The following AFF3 variants were observed in gnomAD, a reference collection of about 807,000 sequenced individuals.
The protein encoded by AFF3 is ALF transcription elongation factor 3.
Under a neutral mutation model 129.7 loss-of-function variants are expected in AFF3, and 32 were observed. That is an observed-to-expected ratio of 0.25 (90% CI 0.19 to 0.33). AFF3 has a LOEUF of 0.33. Ranked by LOEUF, AFF3 falls within the 10% of genes least tolerant of loss-of-function variation. The pLI is 1.00. For synonymous variants in AFF3, 644 were observed against 635.4 expected (o/e 1.01, Z -0.20); for missense variants, 1,373 against 1,592.0 (o/e 0.86, Z 2.34).
At chr2:99,896,739 G>A (rs539523580) in intron 7 of AFF3, among the ~76,000 whole-genome samples, 2 of 137,464 alleles carry the variant, frequency 1.5e-5, no homozygotes, top group South Asian at 2.5e-4. Context: ...AGGTTCAAGC[G>A]ATTCTCCTCC....
In AFF3 at chr2:99,839,276, A is replaced by G. The variant is rs928205403; in HGVS notation, c.874-1752T>C. ...AGGCTCCCACCACCATGCCCAGCTA[A>G]TTTTTGTATTTTTAGTAGAGATGGG... On this transcript the variant is annotated intron_variant, in intron 7 of 24. Transcript: ENST00000672756. Among the ~76,000 whole-genome samples, 28 of 151,978 alleles carry G rather than the reference A, an allele frequency of 1.8e-4. No individual in the cohort carries two copies. The Middle Eastern group carries it at 0.01, about 56-fold the overall frequency.
chr2:99,812,950 T>C (rs942588806), intron 8 of AFF3, among the ~76,000 whole-genome samples: 8 of 152,198 alleles, frequency 5.3e-5, no homozygotes, highest in Non-Finnish European at 1.2e-4. Flanking sequence ...TCATTGCTGA[T>C]TATGTCTTTT....
chr2:99,771,911 T>C (rs1054499856), intron 8 of AFF3, among the ~76,000 whole-genome samples: 6 of 152,200 alleles, frequency 3.9e-5, no homozygotes, highest in Non-Finnish European at 8.8e-5. Flanking sequence ...AAAACAGCGA[T>C]AAGAATAGCT....
intron 8 of AFF3, among the ~76,000 whole-genome samples, chr2:99,820,349 C>T (rs1263415348): frequency 1.3e-5 from 2 of 152,014 alleles, no homozygotes; most frequent in African/African-American, 2.4e-5. Flanking sequence ...CTGAACATAC[C>T]GAAACATAGA....
chr2:99,852,168 T>C (rs768188022), intron 7 of AFF3, among the ~76,000 whole-genome samples: 6 of 152,238 alleles, frequency 3.9e-5, no homozygotes, highest in East Asian at 1.9e-4. Context: ...TTCATGATCA[T>C]GTGCCTTTAA....
intron 13 of AFF3, among the ~76,000 whole-genome samples, chr2:99,631,396 G>T (rs189511170): frequency 3.9e-5 from 6 of 152,268 alleles, no homozygotes; most frequent in Admixed American, 3.3e-4. Context: ...GTTCAGTTCA[G>T]TAGTGTTAAA....
intron 15 of AFF3, among the ~76,000 whole-genome samples, chr2:99,592,575 C>T (rs966112454): frequency 2.6e-5 from 4 of 152,188 alleles, no homozygotes; most frequent in Non-Finnish European, 4.4e-5. Context: ...CGTGTGCACA[C>T]GCTTGATAAA....
intron 7 of AFF3, among the ~76,000 whole-genome samples, chr2:99,843,489 C>T (rs976455660): frequency 3.3e-5 from 5 of 152,122 alleles, no homozygotes; most frequent in African/African-American, 7.2e-5. Flanking sequence ...ATGAGATATG[C>T]TAGGAAAAAG....
At chr2:100,016,709 G>A (rs565096977) in intron 4 of AFF3, among the ~76,000 whole-genome samples, 7 of 151,458 alleles carry the variant, frequency 4.6e-5, no homozygotes, top group African/African-American at 9.7e-5. Context: ...CGGTAGTGGC[G>A]GTGATGGTGG....
At chr2:99,592,420 T>G (rs984031735) in intron 15 of AFF3, among the ~76,000 whole-genome samples, 1 of 152,178 alleles carries the variant, frequency 6.6e-6, no homozygotes, top group African/African-American at 2.4e-5. Context: ...CGTATTCATT[T>G]TCACCTGCCA....
chr2:99,636,921 G>A (rs761698416), intron 13 of AFF3, among the ~76,000 whole-genome samples: 22 of 152,216 alleles, frequency 1.4e-4, no homozygotes, highest in Non-Finnish European at 2.6e-4. Flanking sequence ...AGCAGGTCAC[G>A]GGGCGGCAGC....
intron 13 of AFF3, among the ~76,000 whole-genome samples, chr2:99,627,234 ATC>A (rs1682671988): frequency 1.3e-5 from 2 of 151,436 alleles, no homozygotes; most frequent in Admixed American, 6.6e-5. Flanking sequence ...CCTCGCTAAC[ATC>A]TGTTTTTTTT....
intron 11 of AFF3, chr2:99,707,510 A>G: frequency 1.0e-6 from 1 of 985,432 alleles, no homozygotes; most frequent in Non-Finnish European, 1.2e-6. Flanking sequence ...TCTTAGTAAC[A>G]TAAACTGAAG....
At chr2:100,043,850 G>A (rs548988090) in intron 4 of AFF3, among the ~76,000 whole-genome samples, 70 of 152,276 alleles carry the variant, frequency 4.6e-4, no homozygotes, top group African/African-American at 1.7e-3. Context: ...TGAGGCATTA[G>A]TGTTTTTATT....
chr2:100,123,642 T>C (rs1487251226), intron 2 of AFF3, among the ~76,000 whole-genome samples: 4 of 152,192 alleles, frequency 2.6e-5, no homozygotes, highest in Non-Finnish European at 5.9e-5. Context: ...CCTCCTCATT[T>C]TGACTCTTAG....
In AFF3 at chr2:100,060,373, G is replaced by A. The variant is rs1208189632; in HGVS notation, c.53+44029C>T. Among the ~76,000 whole-genome samples the A allele has an allele frequency of 2.6e-5, 4 of 152,088 alleles. No individual in the cohort carries two copies. The East Asian group carries it at 7.7e-4, about 29-fold the overall frequency. ...TTGCCTAAGGTCACAAAGCTAGAAG[G>A]AACAAAATAGGGCTTCAAACCCAGT... On this transcript the variant is annotated intron_variant, in intron 4 of 24. Coordinates refer to ENST00000672756, the MANE Select transcript of AFF3 (RefSeq NM_001386135.1).
At chr2:100,014,888 A>T (rs1682872264) in intron 4 of AFF3, among the ~76,000 whole-genome samples, 1 of 144,322 alleles carries the variant, frequency 6.9e-6, no homozygotes. Context: ...GGTTCAAGTG[A>T]TTCTTTTGCC....
At chr2:99,661,474 T>C (rs1195844414) in intron 12 of AFF3, among the ~76,000 whole-genome samples, 1 of 152,246 alleles carries the variant, frequency 6.6e-6, no homozygotes, top group Non-Finnish European at 1.5e-5. Flanking sequence ...TGATGGATCA[T>C]GTTTTGGTTT....
chr2:99,745,650 A>G (rs1281616528), intron 9 of AFF3, among the ~76,000 whole-genome samples: 1 of 152,068 alleles, frequency 6.6e-6, no homozygotes, highest in African/African-American at 2.4e-5. Context: ...CACCAGTAAC[A>G]CTCTATTAAA....
Sources: allele counts gnomAD v4.1 joint callset (sites outside exome capture counted in the v4.1 genomes callset), GRCh38; gene constraint gnomAD v4.1.1; transcripts MANE v1.5; gene names NCBI Gene and HGNC (gene_info 2026-07-23, HGNC 2026-07-21).